Variants in UGGT1 observed in about 807,000 individuals in gnomAD.
The protein encoded by UGGT1 is UDP-glucose:glycoprotein glucosyltransferase 1.
In UGGT1, 107 loss-of-function variants were observed where a neutral mutation model predicts 203.9. The ratio of observed to expected loss-of-function variants is 0.52; its 90% confidence interval spans 0.45 to 0.62. The LOEUF (loss-of-function observed/expected upper bound fraction) is 0.62, where lower values mean the gene tolerates loss of function less well. Ranked by LOEUF, UGGT1 falls within the 20% of genes least tolerant of loss-of-function variation. The pLI, the probability that UGGT1 is intolerant of heterozygous loss-of-function variation, is 0.00. For missense variants in UGGT1, 1,673 were observed against 1,867.2 expected, an observed-to-expected ratio of 0.90 and a Z score of 1.92; for synonymous variants, 628 against 653.5, an observed-to-expected ratio of 0.96 and a Z score of 0.59.
intron 38 of UGGT1, among the ~76,000 whole-genome samples, chr2:128,184,786 A>T (rs1691887258): frequency 6.6e-6 from 1 of 151,984 alleles, no homozygotes; most frequent in Admixed American, 6.6e-5. Context: ...GGTTCAAGTG[A>T]TCCTCCTGCC....
chr2:128,134,766 C>A, intron 14 of UGGT1, 110 bp from the exon 15 acceptor site: 1 of 848,564 alleles, frequency 1.2e-6, no homozygotes, highest in Non-Finnish European at 1.9e-6. Flanking sequence ...GTGGTTCAAG[C>A]GTAGCTCGAA....
intron 2 of UGGT1, among the ~76,000 whole-genome samples, chr2:128,099,551 A>G (rs529308998): frequency 6.6e-6 from 1 of 152,286 alleles, no homozygotes; most frequent in Non-Finnish European, 1.5e-5. Context: ...CTTAAGGAAA[A>G]AGCCTCATTT....
intron 17 of UGGT1, among the ~76,000 whole-genome samples, chr2:128,145,110 A>G (rs1689619287): frequency 6.6e-6 from 1 of 152,198 alleles, no homozygotes; most frequent in East Asian, 1.9e-4. Flanking sequence ...ATTGTTGAGC[A>G]CTGTTTCCCC....
chr2:128,142,584 CAAAAA>C (rs140971109), intron 16 of UGGT1, among the ~76,000 whole-genome samples: 1 of 57,420 alleles, frequency 1.7e-5, no homozygotes, highest in Non-Finnish European at 3.8e-5. Flanking sequence ...GACTCCATCT[CAAAAA>C]AAAAAAAAAA....
chr2:128,138,446 C>T (rs1457905371), intron 15 of UGGT1, among the ~76,000 whole-genome samples: 6 of 151,266 alleles, frequency 4.0e-5, no homozygotes, highest in African/African-American at 9.7e-5. Flanking sequence ...ACCTGGGAGA[C>T]GGAGGTTGCA....
At chr2:128,145,501 AACAC>A (rs538390479) in intron 17 of UGGT1, among the ~76,000 whole-genome samples, 1,717 of 104,930 alleles carry the variant, frequency 0.016, 30 homozygotes, top group African/African-American at 0.053. Context: ...CACACACACA[AACAC>A]ACACACACAC....
chr2:128,137,814 T>C (rs1229467965), intron 15 of UGGT1, among the ~76,000 whole-genome samples: 1 of 152,254 alleles, frequency 6.6e-6, no homozygotes, highest in African/African-American at 2.4e-5. Context: ...CTTTGTCCAT[T>C]GAAATGCCTT....
intron 26 of UGGT1, among the ~76,000 whole-genome samples, chr2:128,169,048 T>TAAAAAAAAAAAAAAA (rs544381740): frequency 3.8e-5 from 2 of 52,564 alleles, no homozygotes; most frequent in Non-Finnish European, 6.5e-5. Flanking sequence ...ACTCTGTCTT[T>TAAAAAAAAAAAAAAA]AAAAAAAAAA....
At position 128,091,748 on chromosome 2, in the gene UGGT1, G is replaced by T. The variant is rs899830423; in HGVS notation, c.58+333G>T. 3.7e-4 allele frequency among the ~76,000 whole-genome samples: 57 copies of T among 152,206 alleles called. 1 individual carries two copies. The highest frequency in any genetic ancestry group is 2.2e-3 in the Admixed American group (33 of 15,286). ...AGCTTGATCCTCAGTGAGTTGAGAA[G>T]CAGCACTTTGCAGGACCCTGATTGC... is the stretch of plus-strand genomic sequence containing the variant. On this transcript the variant is annotated intron_variant, in intron 1 of 40. Coordinates refer to ENST00000259253, the MANE Select transcript of UGGT1 (RefSeq NM_020120.4).
At chr2:128,123,960 T>C (rs2105399163) in intron 11 of UGGT1, among the ~76,000 whole-genome samples, 1 of 152,264 alleles carries the variant, frequency 6.6e-6, no homozygotes, top group East Asian at 1.9e-4. Flanking sequence ...TTGTTTTTGT[T>C]TTGGAGATGG....
chr2:128,156,555 AT>A (rs397792244), intron 21 of UGGT1, 140 bp downstream of exon 21: 53,657 of 399,088 alleles, frequency 0.13, 2 homozygotes, highest in Middle Eastern at 0.19. Flanking sequence ...AATGTAGATA[AT>A]TTTTTTTTTT....
rs1690470895 is a variant in UGGT1, at chr2:128,160,467, A to G, written c.2570A>G (p.Asp857Gly). Residue 857 changes from aspartate (D) to glycine (G), a missense_variant, in exon 24 of 41, where the codon GAT becomes GGT. Physicochemically the swap from Asp to Gly is moderately conservative, Grantham distance 94. Transcript: ENST00000259253. Reference protein sequence around the residue: ...DIAEFSVGGMDFSLFKEVFES... With the variant: ...DIAEFSVGGMGFSLFKEVFES... Reference sequence around the variant, plus strand: ...TAATGATTACTTTCCTAGGGAATGGATTTCAGTCTTTTTAAAGAGGTCTTT... The same window carrying G: ...TAATGATTACTTTCCTAGGGAATGGGTTTCAGTCTTTTTAAAGAGGTCTTT... 6.2e-7 allele frequency: 1 copy of G among 1,601,482 alleles called. No individual in the cohort carries two copies. Among genetic ancestry groups the G allele is most frequent in the Non-Finnish European group, 8.5e-7 (1 of 1,175,780 alleles).
chr2:128,091,649 C>G, intron 1 of UGGT1: 1 of 1,329,174 alleles, frequency 7.5e-7, no homozygotes, highest in Non-Finnish European at 9.9e-7. Context: ...CTTGAACCTT[C>G]TTTGAAGAGC....
At chr2:128,127,054 T>A (rs1161613375) in intron 11 of UGGT1, among the ~76,000 whole-genome samples, 1 of 152,160 alleles carries the variant, frequency 6.6e-6, no homozygotes, top group Non-Finnish European at 1.5e-5. Flanking sequence ...TGAATTCCTC[T>A]CTCTCGGAAG....
intron 7 of UGGT1, 96 bp from the exon 8 acceptor site, chr2:128,116,169 C>A: frequency 1.4e-6 from 1 of 738,642 alleles, no homozygotes; most frequent in Non-Finnish European, 2.2e-6. Context: ...TGATTTTTTT[C>A]ACATTATTCA....
At position 128,159,740 on chromosome 2, in the gene UGGT1, A is replaced by G; in HGVS notation, c.2562+20A>G. 1 of 1,608,952 alleles carries G rather than the reference A, an allele frequency of 6.2e-7. No homozygotes were observed. Among genetic ancestry groups the G allele is most frequent in the South Asian group, 1.1e-5 (1 of 90,676 alleles). On this transcript the variant is annotated intron_variant, in intron 23 of 40. Transcript: ENST00000259253. Reference sequence around the variant, plus strand: ...GTTGGGGTAAGGCTCTGAGCCTCTCATGAGGCTGCCCCATTTTGTCTGCCA... The same window carrying G: ...GTTGGGGTAAGGCTCTGAGCCTCTCGTGAGGCTGCCCCATTTTGTCTGCCA...
Position 128,115,108 on chromosome 2 carries a change from C to A in UGGT1, c.697-16C>A, listed in dbSNP as rs1688038026. 4 of 1,613,036 alleles carry A rather than the reference C, an allele frequency of 2.5e-6. No homozygotes were observed. In the Admixed American group the frequency reaches 6.7e-5, roughly 27 times the overall value. ...AGAGCTAGGTGGTAATGATGGAATTCTTGCTTTACTTGCAGAATCCCAGGA... is the reference window on the plus strand; with the variant it reads ...AGAGCTAGGTGGTAATGATGGAATTATTGCTTTACTTGCAGAATCCCAGGA... On this transcript the variant is annotated splice_polypyrimidine_tract_variant and intron_variant, in intron 6 of 40. Coordinates refer to ENST00000259253, the MANE Select transcript of UGGT1 (RefSeq NM_020120.4).
At position 128,097,280 on chromosome 2, in the gene UGGT1, G is replaced by A. The variant is rs189685445; in HGVS notation, c.59-149G>A. The A allele has an allele frequency of 8.9e-4, 735 of 826,088 alleles. 1 individual carries two copies. The African/African-American group carries it at 0.012, about 13-fold the overall frequency. 51.2% of individuals were successfully genotyped at this position (826,088 alleles called of 1,614,324 possible). A position where few individuals can be genotyped will look rare whatever the true frequency, so the allele number is the denominator to read the frequency against. On this transcript the variant is annotated intron_variant, in intron 1 of 40. Coordinates refer to ENST00000259253, the MANE Select transcript of UGGT1 (RefSeq NM_020120.4). Reference sequence around the variant, plus strand: ...AATCCCAGCTACTGGGGAGGCTGAGGCAGGAGAATCGCTTGAACCTGGGAG... The same window carrying A: ...AATCCCAGCTACTGGGGAGGCTGAGACAGGAGAATCGCTTGAACCTGGGAG...
rs966287718 is a variant in UGGT1, at chr2:128,193,205, T to C, written c.*3463T>C. 2 of 133,012 alleles carry C rather than the reference T, an allele frequency of 1.5e-5. No homozygotes were observed. Among genetic ancestry groups the C allele is most frequent in the African/African-American group, 2.8e-5 (1 of 35,618 alleles). The allele number at this position is 133,012 out of a possible 1,614,324, so 8.2% of individuals were successfully genotyped here. ...AAAAAAAAAAAAAAAAAAAAAAAAT[T>C]AAAACAGTTTCCATAAATGGAGCTT... On this transcript the variant is annotated 3_prime_UTR_variant, in exon 41 of 41. Transcript: ENST00000259253.
Sources: gnomAD v4.1 joint callset for allele counts (sites outside exome capture counted in the v4.1 genomes callset) on GRCh38, gnomAD v4.1.1 for gene constraint, MANE v1.5 for transcripts, NCBI Gene and HGNC (gene_info 2026-07-23, HGNC 2026-07-21) for gene names.